The following ASTN1 variants were observed in gnomAD, a reference collection of about 807,000 sequenced individuals.
ASTN1 encodes astrotactin-1.
In ASTN1, 41 loss-of-function variants were observed where a neutral mutation model predicts 140.7. The ratio of observed to expected loss-of-function variants is 0.29; its 90% CI spans 0.23 to 0.38. ASTN1 has a LOEUF of 0.38. Ranked by LOEUF, ASTN1 falls within the 10% of genes least tolerant of loss-of-function variation. The probability of loss-of-function intolerance (pLI) is 1.00; values close to 1 mark genes in which losing one functional copy is unlikely to be tolerated. For missense variants in ASTN1, 1,479 were observed against 1,678.8 expected (o/e 0.88, Z 2.08); for synonymous variants, 640 against 652.2 (o/e 0.98, Z 0.29).
chr1:176,935,992 G>C, intron 15 of ASTN1: 1 of 496,594 alleles, frequency 2.0e-6, no homozygotes, highest in East Asian at 3.9e-5. Flanking sequence ...TACTGGATGA[G>C]CCCAGGAAAA....
Position 176,897,144 on chromosome 1 carries a change from G to A in ASTN1, c.2672-2314C>T, listed in dbSNP as rs913156294. Among the ~76,000 whole-genome samples the A allele has an allele frequency of 4.0e-5, 6 of 151,792 alleles. No homozygotes were observed. The East Asian group carries it at 9.7e-4, about 25-fold the overall frequency. On this transcript the variant is annotated intron_variant, in intron 16 of 22. Transcript: ENST00000361833. ...ACAAAAATTAGCTCGGCATGGTGGCGCACGCCTGTAATCCCAGCTACTCGG... is the reference window on the plus strand; with the variant it reads ...ACAAAAATTAGCTCGGCATGGTGGCACACGCCTGTAATCCCAGCTACTCGG...
intron 1 of ASTN1, among the ~76,000 whole-genome samples, chr1:177,117,722 C>A (rs556923457): frequency 6.6e-6 from 1 of 152,296 alleles, no homozygotes; most frequent in Non-Finnish European, 1.5e-5. Flanking sequence ...GGACCACTCA[C>A]CATTTCCCAG....
At chr1:177,081,062 AT>A (rs1163271583) in intron 1 of ASTN1, among the ~76,000 whole-genome samples, 54 of 152,244 alleles carry the variant, frequency 3.5e-4, no homozygotes, top group African/African-American at 1.2e-3. Context: ...CTTATTTTCA[AT>A]TTGCTTGTGA....
chr1:176,885,736 G>A (rs899120944), intron 18 of ASTN1, among the ~76,000 whole-genome samples: 1 of 152,090 alleles, frequency 6.6e-6, no homozygotes, highest in African/African-American at 2.4e-5. Flanking sequence ...TTTGCTACTG[G>A]GGATGCAGTG....
intron 1 of ASTN1, among the ~76,000 whole-genome samples, chr1:177,115,386 T>C (rs1469149043): frequency 6.6e-6 from 1 of 152,144 alleles, no homozygotes; most frequent in Non-Finnish European, 1.5e-5. Context: ...TTTATAATCA[T>C]GAATGTCTGG....
At chr1:177,081,661 T>C (rs1023611801) in intron 1 of ASTN1, among the ~76,000 whole-genome samples, 1 of 152,116 alleles carries the variant, frequency 6.6e-6, no homozygotes, top group Admixed American at 6.6e-5. Context: ...CAGGGTGCCT[T>C]CTGAAGACAC....
At chr1:176,890,031 G>T (rs1244848566) in intron 17 of ASTN1, among the ~76,000 whole-genome samples, 1 of 152,228 alleles carries the variant, frequency 6.6e-6, no homozygotes, top group Non-Finnish European at 1.5e-5. Context: ...CTGCCTTGCA[G>T]AGCCTTCAAT....
chr1:176,982,839 C>T (rs955701125), intron 8 of ASTN1, among the ~76,000 whole-genome samples: 12 of 152,254 alleles, frequency 7.9e-5, no homozygotes, highest in African/African-American at 1.7e-4. Context: ...AAAGACCTAG[C>T]GTGAGCCTTC....
chr1:176,869,137 A>G (rs1668241145), intron 21 of ASTN1, 110 bp from the exon 22 acceptor site: 1 of 715,620 alleles, frequency 1.4e-6, no homozygotes, highest in Non-Finnish European at 2.0e-6. Flanking sequence ...ATATAAACAT[A>G]TGTAGATCAT....
chr1:176,868,769 G>T, intron 22 of ASTN1, 75 bp downstream of exon 22: 1 of 1,415,084 alleles, frequency 7.1e-7, no homozygotes, highest in Non-Finnish European at 9.5e-7. Flanking sequence ...ACAACTTCAT[G>T]GATGCAGTAT....
Position 177,116,357 on chromosome 1 carries a change from G to A in ASTN1, c.283+48037C>T, listed in dbSNP as rs189555011. On this transcript the variant is annotated intron_variant, in intron 1 of 22. Transcript: ENST00000361833. ...GCACAGATGTATTATTTTATGTGTA[G>A]ATGACAACACATGTTTCATAATACC... 1.4e-3 allele frequency among the ~76,000 whole-genome samples: 213 copies of A among 152,210 alleles called. 1 individual carries two copies. The highest frequency in any genetic ancestry group is 4.9e-3 in the African/African-American group (204 of 41,536).
At chr1:177,138,697 C>T (rs1211409148) in intron 1 of ASTN1, among the ~76,000 whole-genome samples, 1 of 152,112 alleles carries the variant, frequency 6.6e-6, no homozygotes, top group East Asian at 1.9e-4. Context: ...AGCTGAGCTT[C>T]CTTAGAAAGC....
intron 2 of ASTN1, among the ~76,000 whole-genome samples, chr1:177,049,412 A>G (rs1046267534): frequency 1.3e-5 from 2 of 152,240 alleles, no homozygotes; most frequent in African/African-American, 4.8e-5. Flanking sequence ...TAAATTGAAA[A>G]AGCAAGTCAA....
chr1:177,095,269 A>G (rs1679975069), intron 1 of ASTN1, among the ~76,000 whole-genome samples: 1 of 152,252 alleles, frequency 6.6e-6, no homozygotes, highest in Non-Finnish European at 1.5e-5. Flanking sequence ...GAAATGAGAA[A>G]GCCTTTGTAG....
At chr1:176,874,212 C>T (rs762274626) in intron 21 of ASTN1, among the ~76,000 whole-genome samples, 9 of 152,204 alleles carry the variant, frequency 5.9e-5, no homozygotes, top group Admixed American at 2.6e-4. Flanking sequence ...ATAAGGGTGT[C>T]ATGGGTCCTC....
At chr1:177,127,746 T>C (rs1681727156) in intron 1 of ASTN1, among the ~76,000 whole-genome samples, 1 of 152,224 alleles carries the variant, frequency 6.6e-6, no homozygotes, top group Non-Finnish European at 1.5e-5. Context: ...CCCACAGTGT[T>C]ACAATTTTAC....
At chr1:176,887,689 G>T (rs984482682) in intron 18 of ASTN1, among the ~76,000 whole-genome samples, 1 of 151,982 alleles carries the variant, frequency 6.6e-6, no homozygotes, top group Admixed American at 6.5e-5. Flanking sequence ...GTCTAGTTAA[G>T]CTCTCAGTGT....
At chr1:176,968,009 C>T (rs570319238) in intron 8 of ASTN1, among the ~76,000 whole-genome samples, 17 of 152,052 alleles carry the variant, frequency 1.1e-4, no homozygotes, top group African/African-American at 3.1e-4. Context: ...TTAAAGGCAG[C>T]AGGGCACAGT....
At chr1:177,034,579 C>A (rs1466187584) in intron 2 of ASTN1, among the ~76,000 whole-genome samples, 3 of 152,142 alleles carry the variant, frequency 2.0e-5, no homozygotes, top group Non-Finnish European at 1.5e-5. Context: ...TGCAGACACA[C>A]ACACAGAGCT....
Sources: allele counts gnomAD v4.1 joint callset (sites outside exome capture counted in the v4.1 genomes callset), GRCh38; gene constraint gnomAD v4.1.1; transcripts MANE v1.5; gene names NCBI Gene and HGNC (gene_info 2026-07-23, HGNC 2026-07-21).